EML1: variants seen among roughly 807,000 people sequenced by gnomAD.
The protein encoded by EML1 is EMAP like 1.
EML1 carries 27 observed loss-of-function variants against 110.4 expected under a neutral mutation model. The observed-to-expected ratio is 0.24, with a 90% CI of 0.18 to 0.34. EML1 has a LOEUF of 0.34. EML1 is among the 10% of genes least tolerant of loss of function. The pLI is 1.00. For missense variants in EML1, 741 were observed against 1,030.9 expected (o/e 0.72, Z 3.85); for synonymous variants, 344 against 385.8 (o/e 0.89, Z 1.27).
Position 99,844,476 on chromosome 14 carries a change from C to CA in EML1, c.68-6359dup, listed in dbSNP as rs71113228. ...CTTGGGCAACAGAGTGAGACTTTGT[C>CA]AAAAAAAAAAAAAAAAAATTGGCAA... On this transcript the variant is annotated intron_variant, in intron 1 of 21. Coordinates refer to ENST00000262233, the MANE Select transcript of EML1 (RefSeq NM_004434.3). Among the ~76,000 whole-genome samples the CA allele has an allele frequency of 1.9e-3, 253 of 136,424 alleles. 3 individuals are homozygous for CA. Among genetic ancestry groups the CA allele is most frequent in the East Asian group, 0.017 (79 of 4,584 alleles). The allele number at this position is 136,424 out of a possible 152,430, so 89.5% of individuals were successfully genotyped here. A position where few individuals can be genotyped will look rare whatever the true frequency, so the allele number is the denominator to read the frequency against.
intron 1 of EML1, among the ~76,000 whole-genome samples, chr14:99,744,915 A>G (rs1391278294): frequency 6.6e-6 from 1 of 152,232 alleles, no homozygotes; most frequent in East Asian, 1.9e-4. Flanking sequence ...AAACTGAGAT[A>G]GGAGTTTAGA....
At chr14:99,801,830 C>T (rs1016284498) in intron 1 of EML1, among the ~76,000 whole-genome samples, 2 of 152,136 alleles carry the variant, frequency 1.3e-5, no homozygotes, top group Non-Finnish European at 2.9e-5. Flanking sequence ...GTCTTCCATC[C>T]GTTCCTTTAA....
At chr14:99,765,244 C>T (rs560915124) in intron 1 of EML1, among the ~76,000 whole-genome samples, 6 of 151,780 alleles carry the variant, frequency 4.0e-5, no homozygotes, top group African/African-American at 1.5e-4. Flanking sequence ...ATGCCCAGCC[C>T]GTCTTAACCA....
chr14:99,850,170 C>A, intron 1 of EML1: 1 of 607,246 alleles, frequency 1.6e-6, no homozygotes, highest in Non-Finnish European at 2.7e-6. Context: ...AACTCCTGCG[C>A]TCAAGCAGTC....
At chr14:99,935,179 T>G (rs2060445787) in intron 17 of EML1, among the ~76,000 whole-genome samples, 1 of 152,158 alleles carries the variant, frequency 6.6e-6, no homozygotes, top group Non-Finnish European at 1.5e-5. Flanking sequence ...CATAAAATTG[T>G]ATGAAAAGAA....
At chr14:99,745,308 C>T (rs906897894) in intron 1 of EML1, among the ~76,000 whole-genome samples, 12 of 152,270 alleles carry the variant, frequency 7.9e-5, no homozygotes, top group African/African-American at 1.9e-4. Context: ...TCAAATTATC[C>T]GCCTGCTTCG....
chr14:99,821,206 A>T (rs1412009000), intron 1 of EML1, among the ~76,000 whole-genome samples: 2 of 151,962 alleles, frequency 1.3e-5, no homozygotes, highest in African/African-American at 4.8e-5. Flanking sequence ...TGTTGTTGAG[A>T]CAGGGTCTCA....
At position 99,939,276 on chromosome 14, in the gene EML1, C is replaced by T. The variant is rs542054890; in HGVS notation, c.2271C>T (p.Gly757=). ...ATGAGAAGAAACTCCTGTCAACAGG[C>T]GACGACTTTGGCAAAGTGCACCTCT... is the stretch of plus-strand genomic sequence containing the variant. The part of the protein sequence containing the change: ...RAHEKKLLST[G]DDFGKVHLFS... Residue 757 remains glycine, a synonymous_variant, in exon 21 of 22, where the codon GGC becomes GGT. Transcript: ENST00000262233. This position sits in a 1 kb window ranked among gnomAD's most constrained non-coding sequence, Gnocchi z 4.2. 9.5e-5 allele frequency: 154 copies of T among 1,614,214 alleles called. No individual in the cohort carries two copies. In the South Asian group the frequency reaches 1.3e-3, roughly 13 times the overall value.
At position 99,941,369 on chromosome 14, in the gene EML1, T is replaced by G. The variant is rs996226857; in HGVS notation, c.*1257T>G. ...ATTATCTGAGCTCTATGGCACTGGT[T>G]GTTTAGAGTGACTGATGAAGTGCAA... On this transcript the variant is annotated 3_prime_UTR_variant, in exon 22 of 22. Coordinates refer to ENST00000262233, the MANE Select transcript of EML1 (RefSeq NM_004434.3). The G allele has an allele frequency of 6.6e-6, 1 of 152,244 alleles. No homozygotes were observed. The highest frequency in any genetic ancestry group is 6.5e-5 in the Admixed American group (1 of 15,284). The allele number at this position is 152,244 out of a possible 1,614,324, so 9.4% of individuals were successfully genotyped here.
At chr14:99,849,549 A>C (rs887038538) in intron 1 of EML1, among the ~76,000 whole-genome samples, 1 of 141,680 alleles carries the variant, frequency 7.1e-6, no homozygotes, top group Admixed American at 7.1e-5. Context: ...TTATTTATTT[A>C]TTTATTTGTT....
intron 1 of EML1, among the ~76,000 whole-genome samples, chr14:99,845,920 G>A (rs931854576): frequency 6.6e-6 from 1 of 151,724 alleles, no homozygotes; most frequent in African/African-American, 2.4e-5. Flanking sequence ...GTTGGTGGCA[G>A]GTGCCTGTAA....
intron 1 of EML1, among the ~76,000 whole-genome samples, chr14:99,838,243 GA>G (rs1244375677): frequency 6.6e-6 from 1 of 152,022 alleles, no homozygotes; most frequent in African/African-American, 2.4e-5. Context: ...ACTTTAAATA[GA>G]AAAAAATTGT....
At chr14:99,869,698 C>T (rs556308311) in intron 3 of EML1, among the ~76,000 whole-genome samples, 1 of 152,166 alleles carries the variant, frequency 6.6e-6, no homozygotes, top group Non-Finnish European at 1.5e-5. Context: ...TGGAGATGGG[C>T]CTGGGAGGAG....
At chr14:99,923,154 C>G (rs565546258) in intron 17 of EML1, among the ~76,000 whole-genome samples, 1 of 152,288 alleles carries the variant, frequency 6.6e-6, no homozygotes, top group South Asian at 2.1e-4. Flanking sequence ...GTTGCCCAGG[C>G]TGGTCTTGAA....
At chr14:99,925,845 C>T (rs1384400722) in intron 17 of EML1, among the ~76,000 whole-genome samples, 1 of 152,204 alleles carries the variant, frequency 6.6e-6, no homozygotes, top group African/African-American at 2.4e-5. Flanking sequence ...TGCGCTCACC[C>T]ATCCAATAAC....
At chr14:99,847,904 A>T (rs1166058686) in intron 1 of EML1, among the ~76,000 whole-genome samples, 1 of 151,998 alleles carries the variant, frequency 6.6e-6, no homozygotes, top group African/African-American at 2.4e-5. Context: ...TTTAAAGTGT[A>T]TCTCTTGTAG....
At chr14:99,756,887 C>G (rs994130569) in intron 1 of EML1, among the ~76,000 whole-genome samples, 1 of 152,192 alleles carries the variant, frequency 6.6e-6, no homozygotes, top group Admixed American at 6.5e-5. Flanking sequence ...GGCCCGCACT[C>G]TCACAGGGCG....
intron 1 of EML1, among the ~76,000 whole-genome samples, chr14:99,747,441 G>C (rs577475591): frequency 2.0e-5 from 3 of 152,174 alleles, no homozygotes; most frequent in East Asian, 1.9e-4. Context: ...AGGGGTCTGA[G>C]GGGGAAGGAG....
chr14:99,850,503 T>C lies in EML1; in HGVS notation c.68-350T>C, dbSNP rs1033456990. Among the ~76,000 whole-genome samples the C allele has an allele frequency of 2.6e-5, 4 of 152,258 alleles. No homozygotes were observed. In the East Asian group the frequency reaches 7.7e-4, roughly 29 times the overall value. The stretch of plus-strand genomic sequence containing the variant: ...GACCATGCAGACTGGGTTTCTGCAG[T>C]GTGTGGGAAGTTGAAGTGGACGTAT... On this transcript the variant is annotated intron_variant, in intron 1 of 21. Coordinates refer to ENST00000262233, the MANE Select transcript of EML1 (RefSeq NM_004434.3).
Sources: gnomAD v4.1 joint callset for allele counts (sites outside exome capture counted in the v4.1 genomes callset) on GRCh38, gnomAD v4.1.1 for gene constraint, Gnocchi (gnomAD v3.1) non-coding constraint, MANE v1.5 for transcripts, NCBI Gene and HGNC (gene_info 2026-07-23, HGNC 2026-07-21) for gene names.